KCNT2: variants seen among roughly 807,000 people sequenced by gnomAD.
KCNT2 encodes potassium sodium-activated channel subfamily T member 2, also known as potassium channel subfamily T member 2.
A neutral mutation model predicts 153.8 loss-of-function variants in KCNT2; 67 were observed. The ratio of observed to expected loss-of-function variants is 0.44; its 90% confidence interval spans 0.36 to 0.53. The LOEUF (loss-of-function observed/expected upper bound fraction) is 0.53, where lower values mean the gene tolerates loss of function less well. KCNT2 is among the 20% of genes least tolerant of loss of function. KCNT2 has a pLI of 0.00. For missense variants in KCNT2, 975 were observed against 1,354.8 expected (o/e 0.72, Z 4.40); for synonymous variants, 500 against 458.8 (o/e 1.09, Z -1.15).
chr1:196,550,909 G>A (rs1451949072), intron 1 of KCNT2, among the ~76,000 whole-genome samples: 1 of 151,764 alleles, frequency 6.6e-6, no homozygotes, highest in African/African-American at 2.4e-5. Flanking sequence ...TTACATTCCT[G>A]AAAATTTTCT....
intron 1 of KCNT2, among the ~76,000 whole-genome samples, chr1:196,601,356 C>T (rs962696414): frequency 4.6e-5 from 7 of 152,104 alleles, no homozygotes; most frequent in East Asian, 1.9e-4. Context: ...TAATTAAGTT[C>T]GCATATGTAT....
Position 196,258,400 on chromosome 1 carries a change from C to G in KCNT2, c.3005G>C (p.Ser1002Thr). 6.2e-7 allele frequency: 1 copy of G among 1,614,036 alleles called. No homozygotes were observed. Among genetic ancestry groups the G allele is most frequent in the Non-Finnish European group, 8.5e-7 (1 of 1,180,002 alleles). The change falls in exon 26 of 28, where the codon AGT (serine) becomes ACT (threonine). Residue 1002 changes from serine to threonine, a missense_variant. Physicochemically the swap from Ser to Thr is moderately conservative, Grantham distance 58. This residue lies in a region of KCNT2 where 241 missense variants were observed against 271.1 expected (regional missense o/e 0.89). Transcript: ENST00000294725. The part of the protein sequence containing the change: ...HRSNHRNSTS[S>T]DQSDHPLLRR... ...CAGCAAGGGATGGTCCGACTGATCA[C>G]TGGATGTTGAGTTGCGGTGGTTGCT...
At chr1:196,566,562 G>A (rs888810991) in intron 1 of KCNT2, among the ~76,000 whole-genome samples, 1 of 152,084 alleles carries the variant, frequency 6.6e-6, no homozygotes, top group African/African-American at 2.4e-5. Flanking sequence ...CAGGTGTGAA[G>A]TAGTAAAAGG....
intron 12 of KCNT2, among the ~76,000 whole-genome samples, chr1:196,412,667 T>C (rs1419938487): frequency 6.6e-6 from 1 of 151,560 alleles, no homozygotes; most frequent in Admixed American, 6.6e-5. Flanking sequence ...ATGTACAGTA[T>C]GGTAATCAAC....
intron 14 of KCNT2, among the ~76,000 whole-genome samples, chr1:196,369,680 A>T (rs1408559186): frequency 6.6e-6 from 1 of 152,190 alleles, no homozygotes; most frequent in Non-Finnish European, 1.5e-5. Context: ...GCTGCATAAT[A>T]ATCCATGGTG....
At chr1:196,473,053 T>C (rs1280442525) in intron 5 of KCNT2, among the ~76,000 whole-genome samples, 3 of 152,330 alleles carry the variant, frequency 2.0e-5, no homozygotes, top group East Asian at 3.9e-4. Flanking sequence ...ATTCCTTCCA[T>C]GGACGGAATA....
chr1:196,250,281 T>C (rs1266492242), intron 26 of KCNT2, among the ~76,000 whole-genome samples: 1 of 151,984 alleles, frequency 6.6e-6, no homozygotes, highest in Non-Finnish European at 1.5e-5. Context: ...TACAGCATGG[T>C]ACAGACACAC....
intron 1 of KCNT2, among the ~76,000 whole-genome samples, chr1:196,554,233 G>GA (rs1658338215): frequency 6.6e-6 from 1 of 150,712 alleles, no homozygotes; most frequent in African/African-American, 2.4e-5. Context: ...TTGGTTTCTT[G>GA]AAAAAATAAA....
At chr1:196,351,876 C>T (rs988006284) in intron 14 of KCNT2, among the ~76,000 whole-genome samples, 1 of 152,050 alleles carries the variant, frequency 6.6e-6, no homozygotes, top group Non-Finnish European at 1.5e-5. Flanking sequence ...TGAGATACAT[C>T]CCATCAATAC....
chr1:196,388,491 T>C (rs10922062), intron 13 of KCNT2, among the ~76,000 whole-genome samples: 4,998 of 151,734 alleles, frequency 0.033, 116 homozygotes, highest in South Asian at 0.07. Context: ...TTGGATATAA[T>C]TAACATGTTA....
intron 8 of KCNT2, among the ~76,000 whole-genome samples, chr1:196,443,303 A>G (rs968005297): frequency 4.0e-5 from 6 of 151,496 alleles, no homozygotes; most frequent in Admixed American, 3.3e-4. Context: ...ACCTAAGACT[A>G]TTTATTTGGT....
intron 21 of KCNT2, among the ~76,000 whole-genome samples, chr1:196,305,676 A>G (rs1483487996): frequency 6.6e-6 from 1 of 152,134 alleles, no homozygotes; most frequent in Non-Finnish European, 1.5e-5. Flanking sequence ...TGTGGATGGT[A>G]TTGAAACAGA....
intron 13 of KCNT2, among the ~76,000 whole-genome samples, chr1:196,394,783 A>C (rs1351394709): frequency 1.3e-5 from 2 of 151,580 alleles, no homozygotes; most frequent in East Asian, 3.9e-4. Context: ...TCTGATGCTT[A>C]TATCTTTTAC....
At chr1:196,562,694 GA>G (rs1170304426) in intron 1 of KCNT2, among the ~76,000 whole-genome samples, 10 of 150,806 alleles carry the variant, frequency 6.6e-5, no homozygotes, top group Non-Finnish European at 1.3e-4. Flanking sequence ...GTAAGGTTCT[GA>G]TTTCTTTCTT....
intron 23 of KCNT2, 68 bp downstream of exon 23, chr1:196,285,588 TA>T: frequency 1.1e-6 from 1 of 934,338 alleles, no homozygotes; most frequent in Non-Finnish European, 1.7e-6. Flanking sequence ...CTAGATGTAT[TA>T]TTCATTTAAA....
intron 5 of KCNT2, among the ~76,000 whole-genome samples, chr1:196,477,148 T>G (rs186455422): frequency 1.3e-5 from 2 of 151,912 alleles, no homozygotes; most frequent in African/African-American, 2.4e-5. Flanking sequence ...GAAATTAGTG[T>G]TTTTTTTAAG....
chr1:196,397,808 C>G (rs916673057), intron 13 of KCNT2, among the ~76,000 whole-genome samples: 13 of 151,298 alleles, frequency 8.6e-5, no homozygotes, highest in African/African-American at 3.1e-4. Flanking sequence ...TGACACATTG[C>G]TAAAATGTAT....
intron 14 of KCNT2, chr1:196,343,244 C>T (rs1572106504): frequency 1.3e-5 from 2 of 152,318 alleles, no homozygotes; most frequent in South Asian, 4.1e-4. Flanking sequence ...ACAAAAAGTA[C>T]AATGTCTTTT....
intron 25 of KCNT2, among the ~76,000 whole-genome samples, chr1:196,277,671 A>C (rs933784379): frequency 6.6e-6 from 1 of 152,144 alleles, no homozygotes; most frequent in Non-Finnish European, 1.5e-5. Flanking sequence ...CCTGAAATCT[A>C]GTGTCTTTCT....
Sources: allele counts gnomAD v4.1 joint callset (sites outside exome capture counted in the v4.1 genomes callset), GRCh38; gene constraint gnomAD v4.1.1; regional missense constraint gnomAD v4.1.1; transcripts MANE v1.5; gene names NCBI Gene and HGNC (gene_info 2026-07-23, HGNC 2026-07-21).